DCDC1: variants seen among roughly 807,000 people sequenced by gnomAD.
DCDC1 encodes doublecortin domain containing 1.
Under a neutral mutation model 178.3 loss-of-function variants are expected in DCDC1, and 200 were observed. The observed-to-expected ratio is 1.12, with a 90% CI of 1.00 to 1.26. The LOEUF (loss-of-function observed/expected upper bound fraction) is 1.26, where lower values mean the gene tolerates loss of function less well. Among genes scored for constraint, DCDC1 ranks in the 50% most tolerant of loss-of-function variants. The probability of loss-of-function intolerance (pLI) is 0.00; values close to 1 mark genes in which losing one functional copy is unlikely to be tolerated. For missense variants in DCDC1, 1,983 were observed against 1,749.2 expected (o/e 1.13, Z -2.38); for synonymous variants, 690 against 604.8 (o/e 1.14, Z -2.07).
At chr11:31,150,899 A>C (rs1283447130) in intron 9 of DCDC1, among the ~76,000 whole-genome samples, 1 of 152,220 alleles carries the variant, frequency 6.6e-6, no homozygotes, top group Non-Finnish European at 1.5e-5. Context: ...TCAAAAAAAG[A>C]ATGTAGTGTA....
intron 9 of DCDC1, among the ~76,000 whole-genome samples, chr11:31,196,395 G>A (rs1970698108): frequency 6.6e-6 from 1 of 151,828 alleles, no homozygotes; most frequent in Non-Finnish European, 1.5e-5. Context: ...AGTTGCACAA[G>A]ACTATCCACC....
chr11:31,190,963 T>A (rs537112457), intron 9 of DCDC1, among the ~76,000 whole-genome samples: 5 of 152,258 alleles, frequency 3.3e-5, no homozygotes, highest in African/African-American at 1.2e-4. Context: ...TACCAAAATC[T>A]AAGGATTCTC....
At chr11:31,173,582 G>A (rs966390920) in intron 9 of DCDC1, among the ~76,000 whole-genome samples, 1 of 152,054 alleles carries the variant, frequency 6.6e-6, no homozygotes, top group African/African-American at 2.4e-5. Context: ...TAAAGTAGAT[G>A]GATAAAAGTA....
intron 20 of DCDC1, among the ~76,000 whole-genome samples, chr11:30,995,495 C>T (rs1951212714): frequency 6.6e-6 from 1 of 152,044 alleles, no homozygotes; most frequent in Non-Finnish European, 1.5e-5. Context: ...TCACACTACC[C>T]AATTCCAGGT....
intron 1 of DCDC1, among the ~76,000 whole-genome samples, chr11:31,356,319 C>A (rs2133341828): frequency 6.6e-6 from 1 of 152,198 alleles, no homozygotes; most frequent in Middle Eastern, 3.4e-3. Context: ...AACTGAACAA[C>A]CTGCTCCTGA....
intron 21 of DCDC1, among the ~76,000 whole-genome samples, chr11:30,939,078 C>T (rs918662448): frequency 6.6e-6 from 1 of 152,280 alleles, no homozygotes; most frequent in African/African-American, 2.4e-5. Context: ...ACATCTCAGA[C>T]ACACATACTC....
chr11:30,989,298 C>T (rs1385082071), intron 20 of DCDC1, among the ~76,000 whole-genome samples: 7 of 152,110 alleles, frequency 4.6e-5, no homozygotes, highest in Non-Finnish European at 7.4e-5. Context: ...TTACATAGTA[C>T]AGAGGGAGAA....
At chr11:31,367,928 A>C (rs192052558) in intron 1 of DCDC1, among the ~76,000 whole-genome samples, 1 of 152,316 alleles carries the variant, frequency 6.6e-6, no homozygotes, top group African/African-American at 2.4e-5. Flanking sequence ...GCAAGTAAAG[A>C]AAAAAACAAG....
At chr11:31,275,800 G>T (rs1391881254) in intron 7 of DCDC1, among the ~76,000 whole-genome samples, 1 of 152,188 alleles carries the variant, frequency 6.6e-6, no homozygotes, top group African/African-American at 2.4e-5. Flanking sequence ...TTATCTTGAT[G>T]TGTCTAAATT....
At chr11:31,060,813 A>C (rs1037937118) in intron 20 of DCDC1, among the ~76,000 whole-genome samples, 1 of 152,136 alleles carries the variant, frequency 6.6e-6, no homozygotes, top group Non-Finnish European at 1.5e-5. Context: ...TGTCTATATA[A>C]AATTAGGATA....
intron 21 of DCDC1, among the ~76,000 whole-genome samples, chr11:30,934,759 C>G (rs1054134756): frequency 2.6e-5 from 4 of 152,136 alleles, no homozygotes; most frequent in Non-Finnish European, 5.9e-5. Flanking sequence ...TGGGGTCGTC[C>G]TGCAGCAACA....
chr11:31,213,241 T>G (rs999030256), intron 9 of DCDC1, among the ~76,000 whole-genome samples: 1 of 150,778 alleles, frequency 6.6e-6, no homozygotes, highest in Admixed American at 6.6e-5. Flanking sequence ...CCAGTCTGGT[T>G]GGATATTTTC....
intron 20 of DCDC1, among the ~76,000 whole-genome samples, chr11:30,957,745 C>T (rs560755982): frequency 1.3e-5 from 2 of 152,162 alleles, no homozygotes; most frequent in Non-Finnish European, 2.9e-5. Context: ...AACTGAGCCA[C>T]CCATCATGAG....
At chr11:31,005,926 C>G (rs1951813909) in intron 20 of DCDC1, among the ~76,000 whole-genome samples, 2 of 145,952 alleles carry the variant, frequency 1.4e-5, no homozygotes, top group Admixed American at 1.4e-4. Flanking sequence ...TCTTTGCCTT[C>G]CAACAGGCAT....
chr11:31,100,644 T>C (rs1175794624), intron 15 of DCDC1, among the ~76,000 whole-genome samples: 3 of 152,218 alleles, frequency 2.0e-5, no homozygotes, highest in African/African-American at 7.2e-5. Flanking sequence ...AAGCATGTTC[T>C]GGTGCACAAT....
intron 9 of DCDC1, among the ~76,000 whole-genome samples, chr11:31,163,383 T>C (rs751446956): frequency 6.6e-5 from 10 of 152,310 alleles, no homozygotes; most frequent in African/African-American, 9.6e-5. Context: ...TGAATGACCA[T>C]TGATGTCTTA....
chr11:31,049,361 G>A (rs1002074532), intron 20 of DCDC1, among the ~76,000 whole-genome samples: 2 of 152,182 alleles, frequency 1.3e-5, no homozygotes, highest in African/African-American at 4.8e-5. Flanking sequence ...TGAATATCAT[G>A]AGCTTTTTGT....
chr11:31,071,976 A>G lies in DCDC1; in HGVS notation c.2298+5889T>C, dbSNP rs571912143. ...GTAAGTCACTCCAGGTTCCTGGCCT[A>G]CCAAAACTATGAAATAATAAGTATT... On this transcript the variant is annotated intron_variant, in intron 18 of 38. Transcript: ENST00000684477. Among the ~76,000 whole-genome samples the G allele has an allele frequency of 5.9e-5, 9 of 152,356 alleles. No homozygotes were observed. In the South Asian group the frequency reaches 1.9e-3, roughly 32 times the overall value.
At chr11:31,141,689 G>A (rs774095417) in intron 9 of DCDC1, among the ~76,000 whole-genome samples, 13 of 152,064 alleles carry the variant, frequency 8.5e-5, no homozygotes, top group Non-Finnish European at 1.8e-4. Flanking sequence ...GTTTCCCAAT[G>A]GTCTGCTAAT....
Sources: gnomAD v4.1 joint callset for allele counts (sites outside exome capture counted in the v4.1 genomes callset) on GRCh38, gnomAD v4.1.1 for gene constraint, MANE v1.5 for transcripts, NCBI Gene and HGNC (gene_info 2026-07-23, HGNC 2026-07-21) for gene names.